MMD2: variants seen among roughly 807,000 people sequenced by gnomAD.
MMD2 encodes the protein monocyte to macrophage differentiation factor 2.
MMD2 carries 30 observed loss-of-function variants against 33.5 expected under a neutral mutation model. That is an observed-to-expected ratio of 0.90 (90% confidence interval 0.67 to 1.22). The LOEUF is 1.22. MMD2 is among the 50% of genes most tolerant of loss of function. The pLI, the probability that MMD2 is intolerant of heterozygous loss-of-function variation, is 0.00. For missense variants in MMD2, 364 were observed against 325.4 expected (o/e 1.12, Z -0.91); for synonymous variants, 129 against 123.0 (o/e 1.05, Z -0.32).
Position 4,920,233 on chromosome 7 carries a change from G to T in MMD2, c.228C>A (p.Leu76=), listed in dbSNP as rs1248598051. The change falls in exon 3 of 7, where the codon CTC becomes CTA. Residue 76 remains leucine, a synonymous_variant. Coordinates refer to ENST00000401401, the MANE Select transcript of MMD2 (RefSeq NM_198403.4). ...CAGTGGACACCACGAAGAGGCCGCA[G>T]AGGCCGAGGCCGTAGATCCAGGCAG... The part of the protein sequence containing the change: ...TISAWIYGLG[L]CGLFVVSTVF... The T allele has an allele frequency of 1.0e-5, 16 of 1,590,926 alleles. No homozygotes were observed. Among genetic ancestry groups the T allele is most frequent in the Non-Finnish European group, 1.4e-5 (16 of 1,169,542 alleles).
intron 1 of MMD2, among the ~76,000 whole-genome samples, chr7:4,945,185 T>TTTCGTCTTCTTCTTCTTC (rs1554273329): frequency 1.1e-5 from 1 of 93,480 alleles, no homozygotes; most frequent in Non-Finnish European, 2.1e-5. Context: ...CCTCTTCCTC[T>TTTCGTCTTCTTCTTCTTC]TTCTTCTTCT....
chr7:4,899,690 C>T, the MMD2 span, among the ~76,000 whole-genome samples: 1 of 152,252 alleles, frequency 6.6e-6, no homozygotes, highest in Non-Finnish European at 1.5e-5. Flanking sequence ...GCCACCTCGC[C>T]CAGCGTGGAA....
chr7:4,909,236 C>T (rs1047918184), intron 6 of MMD2, among the ~76,000 whole-genome samples: 7 of 151,950 alleles, frequency 4.6e-5, no homozygotes, highest in Admixed American at 3.9e-4. Context: ...TGCCTGTAAT[C>T]CCAGCACTTT....
At chr7:4,898,310 T>C in the MMD2 span, among the ~76,000 whole-genome samples, 1 of 152,218 alleles carries the variant, frequency 6.6e-6, no homozygotes, top group Non-Finnish European at 1.5e-5. Context: ...TATGACACCA[T>C]GCTGAGCCCT....
downstream of MMD2, among the ~76,000 whole-genome samples, chr7:4,904,744 G>C (rs906397247): frequency 6.6e-6 from 1 of 152,178 alleles, no homozygotes; most frequent in African/African-American, 2.4e-5. Flanking sequence ...GAGAGGTTAG[G>C]AAACTGACCA....
chr7:4,933,984 C>T (rs1160085037), intron 1 of MMD2, among the ~76,000 whole-genome samples: 1 of 129,156 alleles, frequency 7.7e-6, no homozygotes, highest in East Asian at 2.4e-4. Context: ...GGCTGGAGTG[C>T]AATGGTGCAA....
intron 1 of MMD2, among the ~76,000 whole-genome samples, chr7:4,943,513 C>T (rs1785969189): frequency 6.6e-6 from 1 of 152,144 alleles, no homozygotes; most frequent in Non-Finnish European, 1.5e-5. Flanking sequence ...CTGCTCTACC[C>T]TGATGTCCCC....
intron 1 of MMD2, among the ~76,000 whole-genome samples, chr7:4,931,795 C>T (rs1246184739): frequency 6.6e-6 from 1 of 152,040 alleles, no homozygotes. Flanking sequence ...AAACTCCTGA[C>T]CTCAAACAAT....
intron 1 of MMD2, among the ~76,000 whole-genome samples, chr7:4,949,153 T>G (rs1786170397): frequency 6.6e-6 from 1 of 151,558 alleles, no homozygotes; most frequent in South Asian, 2.1e-4. Context: ...AAGGTTGCAG[T>G]GAGCCGAGAT....
intron 1 of MMD2, among the ~76,000 whole-genome samples, chr7:4,941,314 A>G (rs1785902650): frequency 1.3e-5 from 2 of 152,196 alleles, no homozygotes; most frequent in Admixed American, 1.3e-4. Flanking sequence ...AGAGTTGGTA[A>G]GTTTTCAGGC....
intron 3 of MMD2, among the ~76,000 whole-genome samples, chr7:4,916,711 G>C (rs773882799): frequency 1.3e-5 from 2 of 152,070 alleles, no homozygotes; most frequent in Admixed American, 1.3e-4. Context: ...CAGAGCCACT[G>C]TGCATTTCTG....
At chr7:4,912,668 G>A (rs1378536550) in intron 4 of MMD2, among the ~76,000 whole-genome samples, 1 of 151,964 alleles carries the variant, frequency 6.6e-6, no homozygotes, top group South Asian at 2.1e-4. Flanking sequence ...TGATGACTGA[G>A]GAAGAGGGTC....
At chr7:4,922,133 G>A (rs1025901166) in intron 2 of MMD2, among the ~76,000 whole-genome samples, 3 of 152,074 alleles carry the variant, frequency 2.0e-5, no homozygotes, top group Admixed American at 2.0e-4. Flanking sequence ...GGCTGAGGCA[G>A]GAGAATCGCT....
At chr7:4,910,018 C>G in intron 5 of MMD2, 68 bp from the exon 6 acceptor site, 1 of 1,613,888 alleles carries the variant, frequency 6.2e-7, no homozygotes, top group Non-Finnish European at 8.5e-7. Flanking sequence ...ACACAGCTCC[C>G]TGTTCTTGGG....
At chr7:4,920,134 C>T in intron 3 of MMD2, 37 bp downstream of exon 3, 1 of 1,546,776 alleles carries the variant, frequency 6.5e-7, no homozygotes, top group South Asian at 1.2e-5. Context: ...TGCCCCGACC[C>T]CCTACCCGGC....
intron 3 of MMD2, 25 bp downstream of exon 3, chr7:4,920,146 T>G: frequency 1.3e-6 from 2 of 1,550,294 alleles, no homozygotes; most frequent in Non-Finnish European, 1.7e-6. Context: ...CTACCCGGCA[T>G]GGGTCCCCTC....
chr7:4,948,517 C>A (rs1007477493), intron 1 of MMD2, among the ~76,000 whole-genome samples: 4 of 151,658 alleles, frequency 2.6e-5, no homozygotes, highest in African/African-American at 7.3e-5. Flanking sequence ...GAGCGAGACT[C>A]CGTCTCACCG....
At chr7:4,915,051 T>C (rs1256278253) in intron 4 of MMD2, among the ~76,000 whole-genome samples, 1 of 152,164 alleles carries the variant, frequency 6.6e-6, no homozygotes, top group African/African-American at 2.4e-5. Context: ...GGCGGGAGGA[T>C]GGCTTGAGGC....
intron 4 of MMD2, among the ~76,000 whole-genome samples, chr7:4,913,189 C>A (rs758271337): frequency 2.6e-5 from 4 of 151,952 alleles, no homozygotes; most frequent in African/African-American, 9.7e-5. Flanking sequence ...TCCAAGTAGA[C>A]CTAAAAATAG....
Sources: gnomAD v4.1 joint callset for allele counts (sites outside exome capture counted in the v4.1 genomes callset) on GRCh38, gnomAD v4.1.1 for gene constraint, MANE v1.5 for transcripts, NCBI Gene and HGNC (gene_info 2026-07-23, HGNC 2026-07-21) for gene names.